GGTA1: variants seen among roughly 807,000 people sequenced by gnomAD.
The protein encoded by GGTA1 is glycoprotein alpha-galactosyltransferase 1 (inactive), also known as inactive N-acetyllactosaminide alpha-1,3-galactosyltransferase.
Under a neutral mutation model 2.6 loss-of-function variants are expected in GGTA1, and 5 were observed. That is an observed-to-expected ratio of 1.92 (90% CI 1.00 to 4.04). GGTA1 has a LOEUF of 4.04. GGTA1 is among the 30% of genes most tolerant of loss of function. The probability of loss-of-function intolerance (pLI) is 0.00; values close to 1 mark genes in which losing one functional copy is unlikely to be tolerated. For synonymous variants in GGTA1, 17 were observed against 5.0 expected (o/e 3.38, Z -3.19); for missense variants, 50 against 16.7 (o/e 2.99, Z -3.47).
chr9:121,496,796 G>T (rs1355254389), intron 1 of GGTA1, among the ~76,000 whole-genome samples: 1 of 144,318 alleles, frequency 6.9e-6, no homozygotes, highest in Non-Finnish European at 1.5e-5. Flanking sequence ...AGGGGGCAGA[G>T]ATTGCAGTGA....
chr9:121,447,932 G>A (rs2064859788), intron 7 of GGTA1, among the ~76,000 whole-genome samples: 1 of 152,050 alleles, frequency 6.6e-6, no homozygotes, highest in African/African-American at 2.4e-5. Context: ...CCTCTCCTCT[G>A]GCTCTTAGGA....
exon 8 of GGTA1, chr9:121,445,115 T>C (rs920174943): frequency 6.6e-6 from 1 of 152,204 alleles, no homozygotes; most frequent in Non-Finnish European, 1.5e-5. Flanking sequence ...TTTAAAAAAA[T>C]CAAGAAATTC....
intron 2 of GGTA1, among the ~76,000 whole-genome samples, chr9:121,465,476 A>C (rs1462563026): frequency 6.6e-6 from 1 of 152,210 alleles, no homozygotes; most frequent in Non-Finnish European, 1.5e-5. Flanking sequence ...TCGTATGTGG[A>C]GGCCCTGCCC....
chr9:121,446,754 C>T (rs2064853866), exon 8 of GGTA1: 1 of 152,212 alleles, frequency 6.6e-6, no homozygotes, highest in East Asian at 1.9e-4. Flanking sequence ...TTCCACATTA[C>T]AAAGCCCCAA....
At chr9:121,474,859 C>A (rs867680697) in intron 1 of GGTA1, among the ~76,000 whole-genome samples, 3 of 48,718 alleles carry the variant, frequency 6.2e-5, no homozygotes, top group African/African-American at 1.6e-4. Flanking sequence ...CTCCTCCCAG[C>A]CTGAGATTCC....
At chr9:121,462,767 TG>T (rs1228501505) in intron 3 of GGTA1, 1 of 152,200 alleles carries the variant, frequency 6.6e-6, no homozygotes, top group Non-Finnish European at 1.5e-5. Context: ...AAATGAAGGC[TG>T]GGGTAAGTAC....
At chr9:121,488,400 C>G (rs10117389) in intron 1 of GGTA1, among the ~76,000 whole-genome samples, 1 of 152,106 alleles carries the variant, frequency 6.6e-6, no homozygotes, top group Admixed American at 6.5e-5. Flanking sequence ...CTGAACCAAA[C>G]GCAAGGGTTA....
At chr9:121,495,080 C>A (rs759651663) in intron 1 of GGTA1, among the ~76,000 whole-genome samples, 9 of 151,872 alleles carry the variant, frequency 5.9e-5, no homozygotes, top group Non-Finnish European at 1.3e-4. Flanking sequence ...TTACCACACC[C>A]AACTAATTTT....
chr9:121,454,696 G>T (rs1329961931), downstream of GGTA1, among the ~76,000 whole-genome samples: 1 of 152,146 alleles, frequency 6.6e-6, no homozygotes, highest in African/African-American at 2.4e-5. Flanking sequence ...GGTTTGTCCA[G>T]ATCTAAAGGT....
chr9:121,480,758 A>G (rs181216471), intron 1 of GGTA1, among the ~76,000 whole-genome samples: 11 of 152,284 alleles, frequency 7.2e-5, no homozygotes, highest in Non-Finnish European at 1.5e-4. Context: ...GTGGCTAACT[A>G]TTTAAGCCAA....
Position 121,460,134 on chromosome 9 carries a change from T to C in GGTA1, c.268A>G (p.Ser90Gly), listed in dbSNP as rs1434405933. 2.2e-6 allele frequency: 1 copy of C among 456,838 alleles called. No individual in the cohort carries two copies. Among genetic ancestry groups the C allele is most frequent in the Non-Finnish European group, 4.4e-6 (1 of 227,002 alleles). 28.3% of individuals were successfully genotyped at this position (456,838 alleles called of 1,614,324 possible). The change falls in exon 5 of 6, where the codon AGC becomes GGC. Residue 90 changes from serine (S) to glycine (G), a missense_variant. Physicochemically the swap from Ser to Gly is moderately conservative, Grantham distance 56. Transcript: ENST00000481799. ...ETKGRKMTQQ[S>G]FGYGTGLIQT ...ATTAAACCAGTCCCATAGCCGAAGC[T>C]CTGTTGTGTCATTTTCCTTCCTTTG...
intron 1 of GGTA1, among the ~76,000 whole-genome samples, chr9:121,497,739 C>T (rs1829023481): frequency 6.6e-6 from 1 of 152,154 alleles, no homozygotes; most frequent in Non-Finnish European, 1.5e-5. Flanking sequence ...TATTTTTTAC[C>T]TCAACCTGTG....
rs1828503095 is a variant in GGTA1, at chr9:121,476,073, A to G, written c.-9-8142T>C. Among the ~76,000 whole-genome samples the G allele has an allele frequency of 6.6e-6, 1 of 152,202 alleles. No individual in the cohort carries two copies. The highest frequency in any genetic ancestry group is 1.5e-5 in the Non-Finnish European group (1 of 68,040). On this transcript the variant is annotated intron_variant, in intron 1 of 5. Coordinates refer to ENST00000481799, the MANE Select transcript of GGTA1 (RefSeq NM_001382585.1). This position sits in a 1 kb window ranked among gnomAD's most constrained non-coding sequence, Gnocchi z 4.6. ...TAATGCCCCCCACACAGTACCTATA[A>G]TAATGATGATGCTTTTTAATGGGAG... is the stretch of plus-strand genomic sequence containing the variant.
At chr9:121,497,822 C>A (rs935661462) in intron 1 of GGTA1, among the ~76,000 whole-genome samples, 1 of 152,154 alleles carries the variant, frequency 6.6e-6, no homozygotes, top group Non-Finnish European at 1.5e-5. Context: ...GGCTTCTTCT[C>A]CCAGAAGGGC....
At chr9:121,495,391 CA>C (rs1828970657) in intron 1 of GGTA1, among the ~76,000 whole-genome samples, 1 of 151,936 alleles carries the variant, frequency 6.6e-6, no homozygotes, top group African/African-American at 2.4e-5. Context: ...ACTAAAAATA[CA>C]AAAAACTAGC....
intron 1 of GGTA1, among the ~76,000 whole-genome samples, chr9:121,494,145 C>T (rs1418385623): frequency 1.3e-5 from 2 of 152,192 alleles, no homozygotes; most frequent in Non-Finnish European, 2.9e-5. Flanking sequence ...CCATTCATAT[C>T]TGTCAGCCAC....
chr9:121,479,881 C>T (rs1157582549), intron 1 of GGTA1, among the ~76,000 whole-genome samples: 1 of 152,132 alleles, frequency 6.6e-6, no homozygotes, highest in Non-Finnish European at 1.5e-5. Context: ...GTTACGGGAT[C>T]TCCCACAGCA....
chr9:121,479,738 C>T (rs1557033), intron 1 of GGTA1, among the ~76,000 whole-genome samples: 142,069 of 152,270 alleles, frequency 0.93, 66,675 homozygotes, highest in Non-Finnish European at 0.99. Flanking sequence ...GAGGAGTGGA[C>T]AAAGGGCTAT....
chr9:121,489,593 G>A (rs1197043399), intron 1 of GGTA1, among the ~76,000 whole-genome samples: 1 of 152,174 alleles, frequency 6.6e-6, no homozygotes, highest in Non-Finnish European at 1.5e-5. Context: ...CTCAAGTGGT[G>A]GTAACTTGAA....
Sources: gnomAD v4.1 joint callset for allele counts (sites outside exome capture counted in the v4.1 genomes callset) on GRCh38, gnomAD v4.1.1 for gene constraint, Gnocchi (gnomAD v3.1) non-coding constraint, MANE v1.5 for transcripts, NCBI Gene and HGNC (gene_info 2026-07-23, HGNC 2026-07-21) for gene names.